JPH3: variants seen among roughly 807,000 people sequenced by gnomAD.
JPH3 encodes the protein junctophilin-3.
A neutral mutation model predicts 59.6 loss-of-function variants in JPH3; 11 were observed. The ratio of observed to expected loss-of-function variants is 0.18; its 90% confidence interval spans 0.12 to 0.31. The LOEUF (loss-of-function observed/expected upper bound fraction) is 0.31. JPH3 is among the 10% of genes least tolerant of loss of function. The probability of loss-of-function intolerance (pLI) is 1.00; values close to 1 mark genes in which losing one functional copy is unlikely to be tolerated. For missense variants in JPH3, 1,202 were observed against 1,105.7 expected, an observed-to-expected ratio of 1.09 and a Z score of -1.24; for synonymous variants, 673 against 483.6, an observed-to-expected ratio of 1.39 and a Z score of -5.14.
At chr16:87,602,452 G>GC (rs1387497831), upstream of JPH3, among the ~76,000 whole-genome samples, 15 of 116,248 alleles carry the variant, frequency 1.3e-4, no homozygotes, top group South Asian at 2.9e-4. Context: ...GGCGGGGGGC[G>GC]GGGGGCGGGC....
chr16:87,612,101 C>T (rs1417981349), intron 1 of JPH3, among the ~76,000 whole-genome samples: 1 of 152,210 alleles, frequency 6.6e-6, no homozygotes, highest in Non-Finnish European at 1.5e-5. Context: ...CCTCTGGGTA[C>T]AGCCTGGGCA....
At chr16:87,660,746 C>T (rs1205075824) in intron 2 of JPH3, among the ~76,000 whole-genome samples, 2 of 152,226 alleles carry the variant, frequency 1.3e-5, no homozygotes, top group Non-Finnish European at 2.9e-5. Flanking sequence ...CTGAGCCTCA[C>T]TGTGCTAGTC....
At chr16:87,666,275 G>C (rs2032858061) in intron 2 of JPH3, among the ~76,000 whole-genome samples, 1 of 151,924 alleles carries the variant, frequency 6.6e-6, no homozygotes, top group Non-Finnish European at 1.5e-5. Context: ...TTTTAGTAGA[G>C]ACAGGGTTTC....
At chr16:87,647,404 G>T (rs1292207912) in intron 2 of JPH3, among the ~76,000 whole-genome samples, 2 of 152,096 alleles carry the variant, frequency 1.3e-5, no homozygotes, top group Non-Finnish European at 2.9e-5. Context: ...GGTGGAGGGA[G>T]TGAGAGGGAA....
chr16:87,655,504 C>A (rs149409846), intron 2 of JPH3, among the ~76,000 whole-genome samples: 2 of 152,146 alleles, frequency 1.3e-5, no homozygotes, highest in African/African-American at 4.8e-5. Flanking sequence ...CAGCCGTGCA[C>A]CACCACGCCC....
intron 1 of JPH3, among the ~76,000 whole-genome samples, chr16:87,629,141 G>C (rs1476850030): frequency 2.0e-5 from 3 of 152,050 alleles, no homozygotes; most frequent in African/African-American, 4.8e-5. Flanking sequence ...GAGCCTCTGT[G>C]TGTCATGGGG....
At chr16:87,661,480 G>C (rs147678743) in intron 2 of JPH3, among the ~76,000 whole-genome samples, 1 of 152,336 alleles carries the variant, frequency 6.6e-6, no homozygotes, top group East Asian at 1.9e-4. Context: ...AAAGCCTCCC[G>C]CTCTGAGCAT....
intron 1 of JPH3, chr16:87,604,665 C>T: frequency 4.3e-6 from 5 of 1,158,554 alleles, no homozygotes; most frequent in Admixed American, 3.8e-5. Context: ...TCGCTGCCTC[C>T]GAGTCTCATG....
intron 4 of JPH3, among the ~76,000 whole-genome samples, chr16:87,693,186 C>T (rs988362519): frequency 7.9e-5 from 12 of 152,242 alleles, no homozygotes; most frequent in African/African-American, 2.9e-4. Context: ...ACTCCACTTC[C>T]ATCTGCGCCT....
At position 87,644,400 on chromosome 16, in the gene JPH3, G is replaced by T. The variant is rs35305520; in HGVS notation, c.525G>T (p.Thr175=). 4 of 1,612,624 alleles carry T rather than the reference G, an allele frequency of 2.5e-6. No individual in the cohort carries two copies. The highest frequency in any genetic ancestry group is 2.2e-5 in the South Asian group (2 of 91,054). The change falls in exon 2 of 5, where the codon ACG becomes ACT. Residue 175 remains threonine, a synonymous_variant. Coordinates refer to ENST00000284262, the MANE Select transcript of JPH3 (RefSeq NM_020655.4). The part of the protein sequence containing the change: ...NSLRSEHTNG[T]ALHPDASPAV... ...TGCGCAGCGAGCACACCAACGGCAC[G>T]GCGCTGCATCCCGACGCCTCTCCGG...
At chr16:87,604,492 G>T in intron 1 of JPH3, 3 of 1,328,438 alleles carry the variant, frequency 2.3e-6, no homozygotes, top group South Asian at 1.4e-5. Flanking sequence ...CCACTCCCAT[G>T]TGGGAGCTTA....
intron 2 of JPH3, among the ~76,000 whole-genome samples, chr16:87,659,371 T>G (rs1381049967): frequency 4.3e-5 from 2 of 46,644 alleles, no homozygotes; most frequent in Admixed American, 2.6e-4. Flanking sequence ...AGTAAGACTG[T>G]CTCAAAAAAA....
chr16:87,661,623 C>G (rs529076886), intron 2 of JPH3, among the ~76,000 whole-genome samples: 1 of 152,362 alleles, frequency 6.6e-6, no homozygotes, highest in South Asian at 2.1e-4. Flanking sequence ...ACACACCCCA[C>G]TTTATCCGGA....
At chr16:87,680,352 C>CTGCTCCCGGAAGGAAGCGGTG (rs2033255955) in intron 2 of JPH3, among the ~76,000 whole-genome samples, 1 of 150,922 alleles carries the variant, frequency 6.6e-6, no homozygotes, top group African/African-American at 2.4e-5. Flanking sequence ...TGTGGAGGGG[C>CTGCTCCCGGAAGGAAGCGGTG]TGCGCCCGGA....
rs905460172 is a variant in JPH3, at chr16:87,611,562, A to T, written c.382+8034A>T. Among the ~76,000 whole-genome samples the T allele has an allele frequency of 2.0e-5, 3 of 152,042 alleles. No homozygotes were observed. Among genetic ancestry groups the T allele is most frequent in the East Asian group, 3.9e-4 (2 of 5,194 alleles). ...GACCCAGGGAAGGCTCGCTGGTGCAAATGCTTTCCAAAAACACCGAGAGTC... is the reference window on the plus strand; with the variant it reads ...GACCCAGGGAAGGCTCGCTGGTGCATATGCTTTCCAAAAACACCGAGAGTC... On this transcript the variant is annotated intron_variant, in intron 1 of 4. Transcript: ENST00000284262. This position sits in a 1 kb window ranked among gnomAD's most constrained non-coding sequence, Gnocchi z 4.5.
At chr16:87,678,049 C>T (rs984072412) in intron 2 of JPH3, among the ~76,000 whole-genome samples, 15 of 151,600 alleles carry the variant, frequency 9.9e-5, no homozygotes, top group African/African-American at 3.4e-4. Flanking sequence ...GCCATGAGTT[C>T]GGAATCAGCC....
At chr16:87,603,652 TC>T in intron 1 of JPH3, 124 bp downstream of exon 1, 13 of 1,228,440 alleles carry the variant, frequency 1.1e-5, no homozygotes, top group Non-Finnish European at 1.4e-5. Flanking sequence ...CAGGGGCCTT[TC>T]CCGGGCTTCC....
At chr16:87,684,019 C>A in intron 2 of JPH3, 123 bp from the exon 3 acceptor site, 1 of 657,580 alleles carries the variant, frequency 1.5e-6, no homozygotes, top group South Asian at 1.9e-5. Context: ...TGAGGGTAAA[C>A]ATGGGGTGCC....
intron 1 of JPH3, among the ~76,000 whole-genome samples, chr16:87,605,515 T>C (rs1363225448): frequency 6.6e-6 from 1 of 152,206 alleles, no homozygotes; most frequent in Admixed American, 6.5e-5. Context: ...GCGATTATGT[T>C]GTGACTTTTT....
Sources: allele counts gnomAD v4.1 joint callset (sites outside exome capture counted in the v4.1 genomes callset), GRCh38; gene constraint gnomAD v4.1.1; non-coding constraint Gnocchi (gnomAD v3.1); transcripts MANE v1.5; gene names NCBI Gene and HGNC (gene_info 2026-07-23, HGNC 2026-07-21).